The following ARHGAP24 variants were observed in gnomAD, a reference collection of about 807,000 sequenced individuals.
ARHGAP24 encodes Rho GTPase activating protein 24.
In ARHGAP24, 50 loss-of-function variants were observed where a neutral mutation model predicts 76.4. The observed-to-expected ratio is 0.65, with a 90% confidence interval of 0.52 to 0.83. ARHGAP24 has a LOEUF of 0.83. ARHGAP24 is among the 40% of genes least tolerant of loss of function. The probability of loss-of-function intolerance (pLI) is 0.00; values close to 1 mark genes in which losing one functional copy is unlikely to be tolerated. For synonymous variants in ARHGAP24, 345 were observed against 323.3 expected, an observed-to-expected ratio of 1.07 and a Z score of -0.72; for missense variants, 930 against 914.2, an observed-to-expected ratio of 1.02 and a Z score of -0.22.
intron 2 of ARHGAP24, among the ~76,000 whole-genome samples, chr4:85,622,464 T>G (rs969639751): frequency 6.6e-6 from 1 of 152,140 alleles, no homozygotes; most frequent in Admixed American, 6.5e-5. Context: ...CCATGGTATA[T>G]ATGTGCCACA....
intron 2 of ARHGAP24, among the ~76,000 whole-genome samples, chr4:85,639,702 G>GT (rs1721452465): frequency 4.3e-5 from 1 of 23,522 alleles, no homozygotes; most frequent in Admixed American, 5.0e-4. Context: ...GGAATAATTG[G>GT]TAAAAAAAAA....
At position 85,782,019 on chromosome 4, in the gene ARHGAP24, A is replaced by G. The variant is rs547413823; in HGVS notation, c.268+60047A>G. ...ACCACTGCACTCCAATATGGGCAAC[A>G]GAGTGAGATTCTATCTCAAAAAAAA... On this transcript the variant is annotated intron_variant, in intron 3 of 9. Coordinates refer to ENST00000395184, the MANE Select transcript of ARHGAP24 (RefSeq NM_001025616.3). 1.1e-4 allele frequency among the ~76,000 whole-genome samples: 16 copies of G among 144,422 alleles called. No individual in the cohort carries two copies. The South Asian group carries it at 3.6e-3, about 32-fold the overall frequency. The allele number at this position is 144,422 out of a possible 152,430, so 94.7% of individuals were successfully genotyped here.
At chr4:85,852,731 A>T (rs1156535080) in intron 3 of ARHGAP24, among the ~76,000 whole-genome samples, 1 of 152,038 alleles carries the variant, frequency 6.6e-6, no homozygotes, top group African/African-American at 2.4e-5. Flanking sequence ...GGTCTGTTGG[A>T]GTTTGCTAGA....
At chr4:85,572,605 T>C in intron 2 of ARHGAP24, among the ~76,000 whole-genome samples, 1 of 152,224 alleles carries the variant, frequency 6.6e-6, no homozygotes, top group East Asian at 1.9e-4. Flanking sequence ...AAATGAAAAT[T>C]ATATTAATTC....
At chr4:85,955,233 C>G (rs982951259) in intron 5 of ARHGAP24, among the ~76,000 whole-genome samples, 1 of 151,786 alleles carries the variant, frequency 6.6e-6, no homozygotes, top group Admixed American at 6.6e-5. Flanking sequence ...CCGCCTACCC[C>G]CCACCCCGAC....
At chr4:85,611,351 A>T (rs1393171832) in intron 2 of ARHGAP24, among the ~76,000 whole-genome samples, 1 of 152,220 alleles carries the variant, frequency 6.6e-6, no homozygotes, top group Non-Finnish European at 1.5e-5. Flanking sequence ...TGGATAAACT[A>T]ATATGCATGG....
intron 3 of ARHGAP24, among the ~76,000 whole-genome samples, chr4:85,896,232 C>G (rs1734171562): frequency 6.6e-6 from 1 of 152,130 alleles, no homozygotes; most frequent in Admixed American, 6.5e-5. Flanking sequence ...TTTTAGGAAG[C>G]CAACATTATT....
chr4:85,546,326 TA>T (rs958715294), intron 1 of ARHGAP24, among the ~76,000 whole-genome samples: 19 of 147,836 alleles, frequency 1.3e-4, no homozygotes, highest in South Asian at 4.3e-4. Context: ...GGCATGAAAT[TA>T]AAAAAAAAAG....
chr4:85,839,017 A>G (rs760261841), intron 3 of ARHGAP24, among the ~76,000 whole-genome samples: 1 of 152,252 alleles, frequency 6.6e-6, no homozygotes, highest in African/African-American at 2.4e-5. Context: ...TGGCATTTTC[A>G]TGAGCAACTA....
At chr4:85,981,229 C>CTGTATT (rs1739646588) in intron 8 of ARHGAP24, among the ~76,000 whole-genome samples, 1 of 152,162 alleles carries the variant, frequency 6.6e-6, no homozygotes, top group Non-Finnish European at 1.5e-5. Flanking sequence ...GTTATTCAGA[C>CTGTATT]TAGAGCATTT....
In ARHGAP24 at chr4:85,671,823, G is replaced by A. The variant is rs545076770; in HGVS notation, c.181-50062G>A. ...TAATGCCTCTACTAAAAAGAAGAAT[G>A]TGCTACAAATGTACTATTGGACACA... On this transcript the variant is annotated intron_variant, in intron 2 of 9. Transcript: ENST00000395184. Among the ~76,000 whole-genome samples the A allele has an allele frequency of 2.0e-5, 3 of 152,282 alleles. No individual in the cohort carries two copies. The East Asian group carries it at 5.8e-4, about 29-fold the overall frequency.
At chr4:85,858,434 A>G (rs1731707753) in intron 3 of ARHGAP24, among the ~76,000 whole-genome samples, 1 of 152,140 alleles carries the variant, frequency 6.6e-6, no homozygotes, top group East Asian at 1.9e-4. Flanking sequence ...ATACTAGTAA[A>G]TGGTGCCCAT....
intron 5 of ARHGAP24, among the ~76,000 whole-genome samples, chr4:85,947,507 G>C (rs1183930657): frequency 6.6e-6 from 1 of 152,152 alleles, no homozygotes; most frequent in Non-Finnish European, 1.5e-5. Flanking sequence ...TTACAGTGGT[G>C]ATCAAGTGTC....
At chr4:85,808,666 A>C (rs1009108338) in intron 3 of ARHGAP24, among the ~76,000 whole-genome samples, 2 of 152,166 alleles carry the variant, frequency 1.3e-5, no homozygotes, top group African/African-American at 4.8e-5. Context: ...AATTATCCAG[A>C]GTCTAGAATT....
chr4:85,484,875 C>A (rs531530165), intron 1 of ARHGAP24, among the ~76,000 whole-genome samples: 1 of 152,108 alleles, frequency 6.6e-6, no homozygotes, highest in South Asian at 2.1e-4. Context: ...CCTCAGCCTC[C>A]CAAAGTACTA....
At chr4:85,782,072 A>C (rs1272357384) in intron 3 of ARHGAP24, among the ~76,000 whole-genome samples, 2 of 146,634 alleles carry the variant, frequency 1.4e-5, no homozygotes, top group African/African-American at 5.0e-5. Flanking sequence ...AGAAAAAAAA[A>C]ACAATTGTCT....
chr4:85,917,415 T>C (rs1735475865), intron 3 of ARHGAP24, among the ~76,000 whole-genome samples: 1 of 151,922 alleles, frequency 6.6e-6, no homozygotes, highest in Non-Finnish European at 1.5e-5. Context: ...TATAGTCCTT[T>C]GGGTATATAC....
intron 2 of ARHGAP24, among the ~76,000 whole-genome samples, chr4:85,669,922 C>A (rs968537269): frequency 1.3e-5 from 2 of 151,986 alleles, no homozygotes; most frequent in South Asian, 4.2e-4. Context: ...TGGGTAGGAA[C>A]ATGTGTCAAC....
chr4:85,991,892 T>C (rs1419102172), intron 8 of ARHGAP24: 4 of 363,740 alleles, frequency 1.1e-5, no homozygotes, highest in East Asian at 7.9e-5. Flanking sequence ...CAGAATGCTG[T>C]CATCTACATA....
Sources: allele counts gnomAD v4.1 joint callset (sites outside exome capture counted in the v4.1 genomes callset), GRCh38; gene constraint gnomAD v4.1.1; transcripts MANE v1.5; gene names NCBI Gene and HGNC (gene_info 2026-07-23, HGNC 2026-07-21).